SHBG: variants seen among roughly 807,000 people sequenced by gnomAD.
The protein encoded by SHBG is sex hormone-binding globulin.
SHBG carries 37 observed loss-of-function variants against 41.9 expected under a neutral mutation model. The observed-to-expected ratio is 0.88, with a 90% CI of 0.68 to 1.16. SHBG has a LOEUF of 1.16. Among genes scored for constraint, SHBG ranks in the 50% most tolerant of loss-of-function variants. SHBG has a pLI of 0.00. For missense variants in SHBG, 466 were observed against 499.9 expected (o/e 0.93, Z 0.65); for synonymous variants, 217 against 205.8 (o/e 1.05, Z -0.47).
upstream of SHBG, chr17:7,627,174 T>C (rs776187821): frequency 5.0e-6 from 8 of 1,614,038 alleles, no homozygotes; most frequent in Admixed American, 3.3e-5. The surrounding 1 kb of genome is among the most constrained non-coding windows in gnomAD (Gnocchi z 4.8). Flanking sequence ...GAAGAATCTC[T>C]GCTACCAAAC....
In SHBG at chr17:7,630,826, C is replaced by T. The variant is rs780176979; in HGVS notation, c.350C>T (p.Thr117Met). The T allele has an allele frequency of 4.9e-5, 79 of 1,613,744 alleles. No individual in the cohort carries two copies. The highest frequency in any genetic ancestry group is 9.9e-5 in the South Asian group (9 of 91,066). Residue 117 changes from threonine to methionine, a missense_variant, in exon 3 of 8, where the codon ACG (threonine) becomes ATG (methionine). Transcript: ENST00000380450. The surrounding 1 kb of genome is among the most constrained non-coding windows in gnomAD (Gnocchi z 4.6). ...IQLHNHWAQL[T>M]VGAGPRLDDG... ...CTGCACAATCACTGGGCCCAGCTTA[C>T]GGTGGGTGCTGGACCACGGCTGGAT... is the stretch of plus-strand genomic sequence containing the variant.
upstream of SHBG, among the ~76,000 whole-genome samples, chr17:7,628,516 G>A (rs568978393): frequency 6.6e-6 from 1 of 151,140 alleles, no homozygotes; most frequent in Non-Finnish European, 1.5e-5. Context: ...GCGCGATCTC[G>A]GCTCACTGCA....
upstream of SHBG, among the ~76,000 whole-genome samples, chr17:7,628,647 T>C (rs858519): frequency 0.47 from 70,649 of 151,154 alleles, 18,745 homozygotes; most frequent in Admixed American, 0.58. Flanking sequence ...GGTTTCACTA[T>C]GTTGGCCAGG....
At chr17:7,622,630 A>C (rs1334608777) in intron 1 of SHBG, among the ~76,000 whole-genome samples, 2 of 152,022 alleles carry the variant, frequency 1.3e-5, no homozygotes, top group African/African-American at 4.8e-5. Context: ...GAGCCCAAGG[A>C]TGTAGACATG....
rs905347214 is a variant in SHBG at position 7,633,292 on chromosome 17, T to C, written c.1149T>C (p.His383=). ...LDVDQALNRS[H]EIWTHSCPQS... ...TGGACCAGGCCCTGAACAGAAGCCA[T>C]GAGATCTGGACTCACAGCTGCCCCC... The change falls in exon 8 of 8, where the codon CAT becomes CAC. Residue 383 remains histidine (H), a synonymous_variant. Coordinates refer to ENST00000380450, the MANE Select transcript of SHBG (RefSeq NM_001040.5). 10 of 1,609,732 alleles carry C rather than the reference T, an allele frequency of 6.2e-6. No individual in the cohort carries two copies. Among genetic ancestry groups the C allele is most frequent in the Non-Finnish European group, 7.7e-6 (9 of 1,176,140 alleles).
upstream of SHBG, chr17:7,626,635 A>G (rs751051841): frequency 6.2e-7 from 1 of 1,611,444 alleles, no homozygotes; most frequent in South Asian, 1.1e-5. Context: ...AGACAACACT[A>G]ACTTTTCTGG....
upstream of SHBG, chr17:7,626,857 C>T (rs376152098): frequency 1.9e-6 from 3 of 1,608,064 alleles, no homozygotes; most frequent in African/African-American, 4.0e-5. Context: ...CAGAAAATGA[C>T]ACCGGCTGGG....
At position 7,630,273 on chromosome 17, in the gene SHBG, T is replaced by C; in HGVS notation, c.101T>C (p.Leu34Pro). Residue 34 changes from leucine (L) to proline (P), a missense_variant, in exon 1 of 8, where the codon CTC becomes CCC. By Grantham distance (98) the Leu-to-Pro change is moderately conservative. Coordinates refer to ENST00000380450, the MANE Select transcript of SHBG (RefSeq NM_001040.5). The surrounding 1 kb of genome is among the most constrained non-coding windows in gnomAD (Gnocchi z 4.6). ...CAGGGATGGGCCCTGAGACCTGTTC[T>C]CCCCACCCAGGTGCAGGAGCGGGAC... ...TRQGWALRPVLPTQSAHDPPA... is the reference protein window; with the variant it reads ...TRQGWALRPVPPTQSAHDPPA... 6.2e-7 allele frequency: 1 copy of C among 1,608,206 alleles called. No individual in the cohort carries two copies. The highest frequency in any genetic ancestry group is 8.5e-7 in the Non-Finnish European group (1 of 1,177,128).
At chr17:7,626,469 G>A (rs772024206), upstream of SHBG, 28 of 1,613,874 alleles carry the variant, frequency 1.7e-5, no homozygotes, top group South Asian at 2.1e-4. Context: ...CAACTTTCTC[G>A]TTGCCTCTCC....
intron 1 of SHBG, among the ~76,000 whole-genome samples, chr17:7,618,954 G>A (rs1421925958): frequency 6.6e-6 from 1 of 152,114 alleles, no homozygotes; most frequent in Non-Finnish European, 1.5e-5. Context: ...AGAATTTGGG[G>A]ATAAATTAGA....
upstream of SHBG, among the ~76,000 whole-genome samples, chr17:7,623,739 C>T (rs117642538): frequency 3.4e-4 from 52 of 152,188 alleles, 1 homozygote; most frequent in East Asian, 5.8e-3. Context: ...GGATTATAGG[C>T]GTGAGCCACT....
At chr17:7,618,704 C>G (rs2072036639) in intron 1 of SHBG, among the ~76,000 whole-genome samples, 1 of 152,068 alleles carries the variant, frequency 6.6e-6, no homozygotes, top group Admixed American at 6.6e-5. Context: ...AAAGCTCCAT[C>G]AAAATAAGAA....
At chr17:7,624,297 G>C (rs1199720745), upstream of SHBG, among the ~76,000 whole-genome samples, 1 of 151,956 alleles carries the variant, frequency 6.6e-6, no homozygotes, top group Non-Finnish European at 1.5e-5. Flanking sequence ...ACCCAGGCTG[G>C]AGTGCGGTGG....
At chr17:7,622,950 T>C (rs2072125736) in intron 1 of SHBG, among the ~76,000 whole-genome samples, 1 of 143,328 alleles carries the variant, frequency 7.0e-6, no homozygotes, top group Non-Finnish European at 1.5e-5. Context: ...GGGAGGAGAA[T>C]GGCACGAACC....
chr17:7,623,508 G>C (rs577897755), upstream of SHBG, among the ~76,000 whole-genome samples: 245 of 152,324 alleles, frequency 1.6e-3, no homozygotes, highest in Middle Eastern at 0.024. Context: ...ACCCAGGCTA[G>C]AGTGCATTGA....
chr17:7,627,515 A>G (rs1379358773), upstream of SHBG: 2 of 1,550,406 alleles, frequency 1.3e-6, no homozygotes, highest in East Asian at 4.5e-5. The surrounding 1 kb of genome is among the most constrained non-coding windows in gnomAD (Gnocchi z 4.8). Flanking sequence ...GCCTCCTACG[A>G]CCCCGCTCTG....
At position 7,631,679 on chromosome 17, in the gene SHBG, A is replaced by C; in HGVS notation, c.646A>C (p.Ser216Arg). ...AGCATCTGCCCCCACTAGCCTCAGA[A>C]GCTGTGATGTAGAATCAAATCCCGG... is the stretch of plus-strand genomic sequence containing the variant. ...ISASAPTSLR[S>R]CDVESNPGIF... Residue 216 changes from serine (S) to arginine (R), a missense_variant, in exon 5 of 8, where the codon AGC (serine) becomes CGC (arginine). Physicochemically the swap from Ser to Arg is moderately radical, Grantham distance 110 (BLOSUM62 -1). Transcript: ENST00000380450. 6.2e-7 allele frequency: 1 copy of C among 1,614,088 alleles called. No individual in the cohort carries two copies. The highest frequency in any genetic ancestry group is 8.5e-7 in the Non-Finnish European group (1 of 1,179,962).
upstream of SHBG, among the ~76,000 whole-genome samples, chr17:7,628,392 T>A (rs1409229396): frequency 6.7e-6 from 1 of 150,330 alleles, no homozygotes; most frequent in Non-Finnish European, 1.5e-5. Flanking sequence ...GCCTCCGGAG[T>A]AGCTGGAACT....
chr17:7,614,247 G>A (rs2071913617), intron 1 of SHBG: 2 of 687,514 alleles, frequency 2.9e-6, no homozygotes, highest in East Asian at 5.4e-5. Context: ...GTAGAAGCAG[G>A]TGCAGGTGCC....
Sources: gnomAD v4.1 joint callset for allele counts (sites outside exome capture counted in the v4.1 genomes callset) on GRCh38, gnomAD v4.1.1 for gene constraint, Gnocchi (gnomAD v3.1) non-coding constraint, MANE v1.5 for transcripts, NCBI Gene and HGNC (gene_info 2026-07-23, HGNC 2026-07-21) for gene names.